The following MYLK4 variants were observed in gnomAD, a reference collection of about 807,000 sequenced individuals.
The protein encoded by MYLK4 is myosin light chain kinase family member 4.
A neutral mutation model predicts 48.1 loss-of-function variants in MYLK4; 46 were observed. That is an observed-to-expected ratio of 0.96 (90% CI 0.75 to 1.22). MYLK4 has a LOEUF of 1.22. Ranked by LOEUF, MYLK4 falls within the 50% of genes most tolerant of loss-of-function variation. MYLK4 has a pLI of 0.00. For synonymous variants in MYLK4, 170 were observed against 180.8 expected, an observed-to-expected ratio of 0.94 and a Z score of 0.48; for missense variants, 451 against 486.1, an observed-to-expected ratio of 0.93 and a Z score of 0.68.
intron 2 of MYLK4, among the ~76,000 whole-genome samples, chr6:2,707,498 C>T (rs944826553): frequency 6.6e-6 from 1 of 152,232 alleles, no homozygotes; most frequent in Non-Finnish European, 1.5e-5. Context: ...CATGCTATTA[C>T]TTTGCTGTTG....
At chr6:2,708,738 T>C (rs766725535) in intron 2 of MYLK4, among the ~76,000 whole-genome samples, 7 of 152,184 alleles carry the variant, frequency 4.6e-5, no homozygotes, top group Non-Finnish European at 7.4e-5. Flanking sequence ...AGAAACATCG[T>C]TTCTTCAAGG....
intron 2 of MYLK4, among the ~76,000 whole-genome samples, chr6:2,744,899 T>C (rs1764023600): frequency 6.6e-6 from 1 of 152,200 alleles, no homozygotes; most frequent in African/African-American, 2.4e-5. Flanking sequence ...ATGATTTGCT[T>C]AGGGGTCTTC....
chr6:2,676,573 A>C (rs946488060), intron 10 of MYLK4, among the ~76,000 whole-genome samples: 1 of 152,238 alleles, frequency 6.6e-6, no homozygotes, highest in South Asian at 2.1e-4. Context: ...GTACCCCAGA[A>C]ATTTATTCTA....
chr6:2,694,581 G>C (rs9378727), intron 2 of MYLK4, among the ~76,000 whole-genome samples: 26,019 of 88,510 alleles, frequency 0.29, 3,400 homozygotes, highest in East Asian at 0.33. Flanking sequence ...AGTGCTGCTG[G>C]TGGTGGTGGT....
intron 2 of MYLK4, among the ~76,000 whole-genome samples, chr6:2,714,655 A>G (rs1762803254): frequency 6.6e-6 from 1 of 152,258 alleles, no homozygotes; most frequent in Admixed American, 6.5e-5. Context: ...AGCTATTTGT[A>G]CACGTGTGTT....
the MYLK4 span, among the ~76,000 whole-genome samples, chr6:2,760,698 T>A: frequency 6.6e-6 from 1 of 152,018 alleles, no homozygotes; most frequent in South Asian, 2.1e-4. Flanking sequence ...TAATAAGAGT[T>A]CACAAAAAGG....
chr6:2,688,961 A>G lies in MYLK4; in HGVS notation c.236-5T>C, dbSNP rs777895997. ...CCGGAGGAGCCGGGATGTCAACTAGAAGGTGAGAGAAACAGAAGGGCAATC... is the reference window on the plus strand; with the variant it reads ...CCGGAGGAGCCGGGATGTCAACTAGGAGGTGAGAGAAACAGAAGGGCAATC... On this transcript the variant is annotated splice_region_variant and splice_polypyrimidine_tract_variant and intron_variant, in intron 3 of 12. Transcript: ENST00000274643. 6.2e-7 allele frequency: 1 copy of G among 1,613,660 alleles called. No homozygotes were observed. Among genetic ancestry groups the G allele is most frequent in the Non-Finnish European group, 8.5e-7 (1 of 1,179,546 alleles).
chr6:2,719,342 G>A (rs1346133437), intron 2 of MYLK4, among the ~76,000 whole-genome samples: 5 of 152,164 alleles, frequency 3.3e-5, no homozygotes, highest in Non-Finnish European at 1.5e-5. Context: ...CAGCATTTCT[G>A]TAAACTGGAA....
At chr6:2,721,391 T>A (rs759852920) in intron 2 of MYLK4, among the ~76,000 whole-genome samples, 7 of 152,172 alleles carry the variant, frequency 4.6e-5, no homozygotes, top group Non-Finnish European at 7.4e-5. Context: ...GGGACCAAGA[T>A]AACTGCTGCT....
chr6:2,742,709 G>A (rs1763939380), intron 2 of MYLK4, among the ~76,000 whole-genome samples: 1 of 128,998 alleles, frequency 7.8e-6, no homozygotes, highest in Admixed American at 8.5e-5. Context: ...CACACTCTGG[G>A]GACTGTTGTG....
chr6:2,765,949 G>C, the MYLK4 span: 6 of 1,438,112 alleles, frequency 4.2e-6, no homozygotes, highest in Non-Finnish European at 5.5e-6. Flanking sequence ...AGAGCCGCGA[G>C]AGCTACGACG....
intron 1 of MYLK4, 40 bp downstream of exon 1, chr6:2,750,696 G>A (rs1764263474): frequency 1.3e-5 from 2 of 152,184 alleles, no homozygotes; most frequent in South Asian, 4.1e-4. Flanking sequence ...AAAAAGGGGA[G>A]GAGATTTGAG....
rs1254984355 is a variant in MYLK4 at position 2,665,242 on chromosome 6, G to A, written c.*2683C>T. 6.6e-6 allele frequency: 1 copy of A among 152,350 alleles called. No homozygotes were observed. The highest frequency in any genetic ancestry group is 1.5e-5 in the Non-Finnish European group (1 of 68,186). The allele number at this position is 152,350 out of a possible 1,614,324, so 9.4% of individuals were successfully genotyped here. ...TTTGCAAAGCCCCCTTTCCCCATTA[G>A]AGCAGCAGTCTACCTAGTTACCAGC... On this transcript the variant is annotated 3_prime_UTR_variant, in exon 13 of 13. Transcript: ENST00000274643.
In MYLK4 at chr6:2,664,728, T is replaced by C. The variant is rs1366038390; in HGVS notation, c.*3197A>G. 2.6e-5 allele frequency: 4 copies of C among 152,232 alleles called. No homozygotes were observed. The highest frequency in any genetic ancestry group is 5.9e-5 in the Non-Finnish European group (4 of 68,042). The allele number at this position is 152,232 out of a possible 1,614,324, so 9.4% of individuals were successfully genotyped here. Reference sequence around the variant, plus strand: ...TACATTTTTGAGGAAAGAAAGCAAATTAATATCAAGTTAGAGGAAATAACT... The same window carrying C: ...TACATTTTTGAGGAAAGAAAGCAAACTAATATCAAGTTAGAGGAAATAACT... On this transcript the variant is annotated 3_prime_UTR_variant, in exon 13 of 13. Transcript: ENST00000274643.
chr6:2,673,968 C>T lies in MYLK4; in HGVS notation c.1119+1079G>A, dbSNP rs926222595. On this transcript the variant is annotated intron_variant, in intron 11 of 12. Transcript: ENST00000274643. The surrounding 1 kb of genome is among the most constrained non-coding windows in gnomAD (Gnocchi z 4.2). Reference sequence around the variant, plus strand: ...AAGATGTACGGGGGCTGGCTGGGGCCGCTCCATGGGCATCCTTCCCTAAGA... The same window carrying T: ...AAGATGTACGGGGGCTGGCTGGGGCTGCTCCATGGGCATCCTTCCCTAAGA... Among the ~76,000 whole-genome samples, 3 of 152,144 alleles carry T rather than the reference C, an allele frequency of 2.0e-5. No homozygotes were observed. The highest frequency in any genetic ancestry group is 2.1e-4 in the South Asian group (1 of 4,836).
At chr6:2,763,356 G>GA in the MYLK4 span, among the ~76,000 whole-genome samples, 1 of 152,248 alleles carries the variant, frequency 6.6e-6, no homozygotes, top group Non-Finnish European at 1.5e-5. Context: ...GCTCTGGGGT[G>GA]GTGAACGGCC....
rs887212737 is a variant in MYLK4, at chr6:2,667,610, C to G, written c.*315G>C. ...GGCAGACATAATGCACCCCCTGCCC[C>G]AGTGACTAAGATCAAAAAATTTTTT... is the stretch of plus-strand genomic sequence containing the variant. On this transcript the variant is annotated 3_prime_UTR_variant, in exon 13 of 13. Transcript: ENST00000274643. 1.3e-5 allele frequency: 2 copies of G among 152,614 alleles called. No homozygotes were observed. Among genetic ancestry groups the G allele is most frequent in the Non-Finnish European group, 2.9e-5 (2 of 68,042 alleles). The allele number at this position is 152,614 out of a possible 1,614,324, so 9.5% of individuals were successfully genotyped here.
intron 11 of MYLK4, 147 bp from the exon 12 acceptor site, chr6:2,671,495 C>A (rs537146634): frequency 5.7e-6 from 4 of 700,640 alleles, no homozygotes; most frequent in Non-Finnish European, 9.6e-6. Flanking sequence ...CCCGACAACC[C>A]CCTGGCAGAC....
In MYLK4 at chr6:2,704,481, C is replaced by G. The variant is rs115227308; in HGVS notation, c.160-11622G>C. Among the ~76,000 whole-genome samples, 471 of 152,338 alleles carry G rather than the reference C, an allele frequency of 3.1e-3. 3 individuals carry two copies. The highest frequency in any genetic ancestry group is 0.011 in the African/African-American group (440 of 41,578). On this transcript the variant is annotated intron_variant, in intron 2 of 12. Transcript: ENST00000274643. The stretch of plus-strand genomic sequence containing the variant: ...TTTGAAGTAATTTACCATTTGATCA[C>G]CTTCTCAAATTTCTTAGACCTACTA...
Sources: allele counts gnomAD v4.1 joint callset (sites outside exome capture counted in the v4.1 genomes callset), GRCh38; gene constraint gnomAD v4.1.1; non-coding constraint Gnocchi (gnomAD v3.1); transcripts MANE v1.5; gene names NCBI Gene and HGNC (gene_info 2026-07-23, HGNC 2026-07-21).